The following PCDHGA12 variants were observed in gnomAD, a reference collection of about 807,000 sequenced individuals.
PCDHGA12 encodes protocadherin gamma-A12.
In PCDHGA12, 43 loss-of-function variants were observed where a neutral mutation model predicts 61.1. The observed-to-expected ratio is 0.70, with a 90% confidence interval of 0.55 to 0.91. The LOEUF (loss-of-function observed/expected upper bound fraction) is 0.91. Ranked by LOEUF, PCDHGA12 falls within the 40% of genes least tolerant of loss-of-function variation. PCDHGA12 has a pLI of 0.00. For synonymous variants in PCDHGA12, 520 were observed against 542.9 expected, an observed-to-expected ratio of 0.96 and a Z score of 0.59; for missense variants, 1,236 against 1,227.7, an observed-to-expected ratio of 1.01 and a Z score of -0.10.
intron 3 of PCDHGA12, chr5:141,507,285 C>T (rs80317708): frequency 2.7e-5 from 4 of 150,212 alleles, no homozygotes; most frequent in African/African-American, 7.4e-5. Flanking sequence ...ATAAGTCAGT[C>T]TCAAATGTTG....
At chr5:141,464,862 C>T (rs1166573359) in intron 1 of PCDHGA12, among the ~76,000 whole-genome samples, 1 of 152,076 alleles carries the variant, frequency 6.6e-6, no homozygotes, top group African/African-American at 2.4e-5. Context: ...CCTTAGCCTC[C>T]CAAGTAGCTA....
Position 141,481,556 on chromosome 5 carries a change from G to A in PCDHGA12, c.2425-13251G>A, listed in dbSNP as rs553126587. Among the ~76,000 whole-genome samples the A allele has an allele frequency of 1.2e-4, 18 of 152,266 alleles. No homozygotes were observed. The South Asian group carries it at 1.4e-3, about 12-fold the overall frequency. On this transcript the variant is annotated intron_variant, in intron 1 of 3. Coordinates refer to ENST00000252085, the MANE Select transcript of PCDHGA12 (RefSeq NM_003735.3). ...GATGGGGCTGGGCTCAGTGGCTCAC[G>A]CCTGTAATCCCAGTACTTAGGGAGG...
At chr5:141,498,793 T>C (rs2154592354) in intron 2 of PCDHGA12, among the ~76,000 whole-genome samples, 1 of 152,028 alleles carries the variant, frequency 6.6e-6, no homozygotes, top group Non-Finnish European at 1.5e-5. Context: ...ATTAGCCAGG[T>C]GTGGTGGTGC....
chr5:141,490,604 A>T lies in PCDHGA12; in HGVS notation c.2425-4203A>T, dbSNP rs749528675. ...GTCAATGACAATGCACCCCGCTTCA[A>T]CCAGCAGCTTTACACTGCTTACATC... On this transcript the variant is annotated intron_variant, in intron 1 of 3. Transcript: ENST00000252085. The surrounding 1 kb of genome is among the most constrained non-coding windows in gnomAD (Gnocchi z 5.4). 6.2e-7 allele frequency: 1 copy of T among 1,614,192 alleles called. No homozygotes were observed. The highest frequency in any genetic ancestry group is 8.5e-7 in the Non-Finnish European group (1 of 1,180,022).
chr5:141,440,008 C>G, intron 1 of PCDHGA12: 1 of 153,238 alleles, frequency 6.5e-6, no homozygotes. Context: ...GAAACCTTGC[C>G]AAGGATCTGG....
At chr5:141,460,924 A>ATATG (rs1561985817) in intron 1 of PCDHGA12, among the ~76,000 whole-genome samples, 10 of 150,588 alleles carry the variant, frequency 6.6e-5, no homozygotes, top group East Asian at 3.9e-4. Flanking sequence ...ATATATATAT[A>ATATG]TGTGTGTGTG....
Position 141,486,587 on chromosome 5 carries a change from G to C in PCDHGA12, c.2425-8220G>C. 6.2e-7 allele frequency: 1 copy of C among 1,613,596 alleles called. No individual in the cohort carries two copies. The highest frequency in any genetic ancestry group is 8.5e-7 in the Non-Finnish European group (1 of 1,180,006). On this transcript the variant is annotated intron_variant, in intron 1 of 3. Transcript: ENST00000252085. The surrounding 1 kb of genome is among the most constrained non-coding windows in gnomAD (Gnocchi z 5.0). ...TGTTCCTGAGAACAATCGCCCAGGG[G>C]ACCTGCTTTGCTCCCTTGCAGCCTC...
intron 1 of PCDHGA12, chr5:141,478,171 G>A (rs141465380): frequency 7.3e-5 from 118 of 1,613,942 alleles, no homozygotes; most frequent in African/African-American, 1.5e-4. Flanking sequence ...CCCCCCGGGA[G>A]CAGAAAAAAA....
rs1054594374 is a variant in PCDHGA12 at position 141,489,607 on chromosome 5, A to G, written c.2425-5200A>G. On this transcript the variant is annotated intron_variant, in intron 1 of 3. Coordinates refer to ENST00000252085, the MANE Select transcript of PCDHGA12 (RefSeq NM_003735.3). This position sits in a 1 kb window ranked among gnomAD's most constrained non-coding sequence, Gnocchi z 4.5. ...GGAGCTAATCCGTGTAGAGGTAGAG[A>G]TCCTGGATCTCAATGACAACTCTCC... The G allele has an allele frequency of 6.2e-6, 10 of 1,613,850 alleles. No homozygotes were observed. The highest frequency in any genetic ancestry group is 8.5e-6 in the Non-Finnish European group (10 of 1,179,956).
At chr5:141,453,058 G>C (rs2098754889) in intron 1 of PCDHGA12, among the ~76,000 whole-genome samples, 2 of 152,076 alleles carry the variant, frequency 1.3e-5, no homozygotes, top group Admixed American at 1.3e-4. Flanking sequence ...TGCAGTTTTA[G>C]AGTTTTGCCA....
rs2097422953 is a variant in PCDHGA12 at position 141,431,840 on chromosome 5, C to A, written c.1081C>A (p.Pro361Thr). The A allele has an allele frequency of 1.9e-6, 3 of 1,614,248 alleles. No homozygotes were observed. The highest frequency in any genetic ancestry group is 1.6e-4 in the Middle Eastern group (1 of 6,062). ...CGCCAGCTCGGTTCCCGAAAACTCT[C>A]CCAGAGGGACATTAATTGCCCTTTT... ...SLASSVPENS[P>T]RGTLIALLNV... is the part of the protein sequence containing the mutation. The change falls in exon 1 of 4, where the codon CCC becomes ACC. Residue 361 changes from proline (P) to threonine (T), a missense_variant. Pro to Thr is a conservative substitution (Grantham distance 38, BLOSUM62 -1). Transcript: ENST00000252085. The surrounding 1 kb of genome is among the most constrained non-coding windows in gnomAD (Gnocchi z 4.8).
At position 141,476,792 on chromosome 5, in the gene PCDHGA12, G is replaced by T. The variant is rs376910320; in HGVS notation, c.2425-18015G>T. ...GGACGGAGGGACCCCAGCTCTCTCC[G>T]CCAGCCTGCCTATTCACATCAAGGT... On this transcript the variant is annotated intron_variant, in intron 1 of 3. Coordinates refer to ENST00000252085, the MANE Select transcript of PCDHGA12 (RefSeq NM_003735.3). The surrounding 1 kb of genome is among the most constrained non-coding windows in gnomAD (Gnocchi z 7.6). 4.3e-6 allele frequency: 7 copies of T among 1,612,720 alleles called. No individual in the cohort carries two copies. Among genetic ancestry groups the T allele is most frequent in the Non-Finnish European group, 5.1e-6 (6 of 1,179,958 alleles).
Position 141,491,743 on chromosome 5 carries a change from A to G in PCDHGA12, c.2425-3064A>G, listed in dbSNP as rs752434173. ...GCCCCGGGCGACCCCTGGGGGCGGC[A>G]CTGGAGAAGCCGCCCGTCCTCATAA... On this transcript the variant is annotated intron_variant, in intron 1 of 3. Transcript: ENST00000252085. The surrounding 1 kb of genome is among the most constrained non-coding windows in gnomAD (Gnocchi z 6.9). 5.0e-6 allele frequency: 8 copies of G among 1,595,570 alleles called. No individual in the cohort carries two copies. In the Admixed American group the frequency reaches 1.4e-4, roughly 28 times the overall value.
At chr5:141,434,609 G>A (rs189866750) in intron 1 of PCDHGA12, among the ~76,000 whole-genome samples, 11 of 152,064 alleles carry the variant, frequency 7.2e-5, no homozygotes, top group Non-Finnish European at 1.3e-4. Context: ...CTTTATTTCC[G>A]CCCATCTCTT....
At chr5:141,488,268 C>T (rs1371050827) in intron 1 of PCDHGA12, among the ~76,000 whole-genome samples, 1 of 152,170 alleles carries the variant, frequency 6.6e-6, no homozygotes, top group East Asian at 1.9e-4. Context: ...GCGGGTTGGT[C>T]ATCACCTTTG....
Position 141,487,540 on chromosome 5 carries a change from G to T in PCDHGA12, c.2425-7267G>T, listed in dbSNP as rs1319372340. The T allele has an allele frequency of 1.2e-6, 2 of 1,614,208 alleles. No homozygotes were observed. Among genetic ancestry groups the T allele is most frequent in the Admixed American group, 3.3e-5 (2 of 60,034 alleles). ...GGAGTGATAGCTTCATGATGGTGAA[G>T]TCACCCAGTGCACCTATGGCAGGGG... is the stretch of plus-strand genomic sequence containing the variant. On this transcript the variant is annotated intron_variant, in intron 1 of 3. Transcript: ENST00000252085. This position sits in a 1 kb window ranked among gnomAD's most constrained non-coding sequence, Gnocchi z 5.0.
chr5:141,483,648 TTGTG>T (rs111458813), intron 1 of PCDHGA12, among the ~76,000 whole-genome samples: 10 of 149,592 alleles, frequency 6.7e-5, no homozygotes, highest in Non-Finnish European at 1.0e-4. Flanking sequence ...GGGTGTGTGT[TTGTG>T]TGTGTGTGTG....
intron 1 of PCDHGA12, among the ~76,000 whole-genome samples, chr5:141,451,875 T>C (rs747595781): frequency 5.9e-5 from 9 of 151,594 alleles, no homozygotes; most frequent in Non-Finnish European, 1.3e-4. Context: ...AATGAAACCC[T>C]GTCAAGAAAG....
In PCDHGA12 at chr5:141,433,168, T is replaced by A; in HGVS notation, c.2409T>A (p.Ser803Arg). 6 of 1,613,438 alleles carry A rather than the reference T, an allele frequency of 3.7e-6. No individual in the cohort carries two copies. The highest frequency in any genetic ancestry group is 3.4e-6 in the Non-Finnish European group (4 of 1,179,810). ...LSGDSVFSKD[S>R]HGLIEQAPPN... ...GTGATTCGGTATTTTCTAAAGACAG[T>A]CATGGGTTAATTGAGGTGAGTTTAT... Residue 803 changes from serine to arginine, a missense_variant, in exon 1 of 4, where the codon AGT becomes AGA. Transcript: ENST00000252085.
Sources: allele counts gnomAD v4.1 joint callset (sites outside exome capture counted in the v4.1 genomes callset), GRCh38; gene constraint gnomAD v4.1.1; non-coding constraint Gnocchi (gnomAD v3.1); transcripts MANE v1.5; gene names NCBI Gene and HGNC (gene_info 2026-07-23, HGNC 2026-07-21).